Variants in PUS10 observed in about 807,000 individuals in gnomAD.
The protein encoded by PUS10 is tRNA pseudouridine synthase Pus10.
Under a neutral mutation model 75.0 loss-of-function variants are expected in PUS10, and 59 were observed. That is an observed-to-expected ratio of 0.79 (90% CI 0.64 to 0.98). The LOEUF is 0.98. PUS10 is among the 50% of genes least tolerant of loss of function. The pLI, the probability that PUS10 is intolerant of heterozygous loss-of-function variation, is 0.00. For synonymous variants in PUS10, 219 were observed against 211.6 expected (o/e 1.03, Z -0.30); for missense variants, 650 against 614.4 (o/e 1.06, Z -0.61).
At chr2:60,995,149 T>C (rs1202372666) in intron 4 of PUS10, among the ~76,000 whole-genome samples, 2 of 152,198 alleles carry the variant, frequency 1.3e-5, no homozygotes, top group Non-Finnish European at 2.9e-5. Context: ...AGCTCTGCTA[T>C]TTATCAGCAA....
chr2:61,001,487 G>A (rs2104647984), intron 4 of PUS10, among the ~76,000 whole-genome samples: 1 of 152,238 alleles, frequency 6.6e-6, no homozygotes, highest in South Asian at 2.1e-4. Flanking sequence ...ATGTTGGCTA[G>A]GCTGGTCTCG....
rs765039044 is a variant in PUS10, at chr2:61,010,853, AG to A, written c.126+911del. On this transcript the variant is annotated intron_variant, in intron 2 of 17. Transcript: ENST00000316752. ...ACTTAATAGCTGTGTAACTTTGGGC[AG>A]GTTGCTTAACCTCTCTGTATCTCAG... 1,017 of 1,550,326 alleles carry A rather than the reference AG, an allele frequency of 6.6e-4. 2 individuals carry two copies. Among genetic ancestry groups the A allele is most frequent in the Non-Finnish European group, 8.0e-4 (919 of 1,146,998 alleles).
chr2:60,994,006 G>A (rs1558962785), intron 4 of PUS10, among the ~76,000 whole-genome samples: 1 of 152,024 alleles, frequency 6.6e-6, no homozygotes, highest in East Asian at 1.9e-4. Flanking sequence ...AGCCAGGATG[G>A]TCTCGATCTC....
At chr2:60,956,941 C>T (rs1675700753) in intron 11 of PUS10, among the ~76,000 whole-genome samples, 2 of 133,550 alleles carry the variant, frequency 1.5e-5, no homozygotes, top group African/African-American at 3.0e-5. Flanking sequence ...CACCACTGCA[C>T]TCCAGCCCGG....
intron 4 of PUS10, among the ~76,000 whole-genome samples, chr2:60,997,844 C>T (rs1678582086): frequency 6.6e-6 from 1 of 152,134 alleles, no homozygotes; most frequent in Non-Finnish European, 1.5e-5. Context: ...CTGAAAACTC[C>T]TTAGTAAGCT....
intron 4 of PUS10, among the ~76,000 whole-genome samples, chr2:60,972,241 A>G (rs1160933550): frequency 6.8e-6 from 1 of 146,406 alleles, no homozygotes; most frequent in Non-Finnish European, 1.5e-5. Flanking sequence ...AGGTGGGCGG[A>G]TCACGACGTC....
intron 4 of PUS10, 124 bp from the exon 5 acceptor site, chr2:60,971,681 G>A (rs755286380): frequency 3.2e-5 from 27 of 844,814 alleles, no homozygotes; most frequent in Admixed American, 2.6e-4. Flanking sequence ...TTTAGGTGAC[G>A]AGTTAGTATT....
rs747539853 is a variant in PUS10 at position 60,945,069 on chromosome 2, G to T, written c.1491C>A (p.Thr497=). The part of the protein sequence containing the change: ...KEFVHGDFGR[T]KPNIGSLMNV... ...TCATCAGGGACCCAATGTTTGGCTT[G>T]GTTCTCCCGAAGTCTCCATGTACAA... Residue 497 remains threonine, a synonymous_variant, in exon 17 of 18, where the codon ACC becomes ACA. Coordinates refer to ENST00000316752, the MANE Select transcript of PUS10 (RefSeq NM_144709.4). 1 of 1,614,016 alleles carries T rather than the reference G, an allele frequency of 6.2e-7. No homozygotes were observed. The highest frequency in any genetic ancestry group is 8.5e-7 in the Non-Finnish European group (1 of 1,179,884).
chr2:61,000,382 T>C (rs945593401), intron 4 of PUS10, among the ~76,000 whole-genome samples: 6 of 152,210 alleles, frequency 3.9e-5, no homozygotes, highest in African/African-American at 1.4e-4. Flanking sequence ...TCATTTTCTA[T>C]TGCTTCTATA....
At chr2:61,008,737 T>G in intron 3 of PUS10, 24 bp downstream of exon 3, 1 of 1,506,472 alleles carries the variant, frequency 6.6e-7, no homozygotes, top group Non-Finnish European at 9.0e-7. Context: ...TAATTGCACC[T>G]ATAATGAAAA....
chr2:60,954,944 T>C, intron 12 of PUS10, 74 bp downstream of exon 12: 1 of 1,010,288 alleles, frequency 9.9e-7, no homozygotes, highest in East Asian at 2.6e-5. Context: ...TGAGTGACTA[T>C]GCTAAGCCTG....
intron 17 of PUS10, among the ~76,000 whole-genome samples, chr2:60,943,107 C>T (rs976244917): frequency 6.6e-6 from 1 of 151,676 alleles, no homozygotes; most frequent in Non-Finnish European, 1.5e-5. Flanking sequence ...CCAATTTTCC[C>T]TCAGAAGTCT....
chr2:60,996,721 T>C (rs1260978201), intron 4 of PUS10, among the ~76,000 whole-genome samples: 1 of 152,188 alleles, frequency 6.6e-6, no homozygotes, highest in Non-Finnish European at 1.5e-5. Context: ...TTTTCTCCTC[T>C]TTAAGTGAGC....
chr2:60,960,922 A>C (rs1573409699), intron 10 of PUS10, among the ~76,000 whole-genome samples: 1 of 151,554 alleles, frequency 6.6e-6, no homozygotes, highest in East Asian at 1.9e-4. Context: ...GGTAGCTTTC[A>C]TTGCCCTAGG....
chr2:60,978,741 A>G (rs1677197542), intron 4 of PUS10, among the ~76,000 whole-genome samples: 1 of 152,196 alleles, frequency 6.6e-6, no homozygotes, highest in Non-Finnish European at 1.5e-5. Context: ...TTGCATTGTG[A>G]ATTAGAAGAA....
intron 4 of PUS10, among the ~76,000 whole-genome samples, chr2:60,977,058 G>A (rs1374449989): frequency 6.6e-6 from 1 of 152,128 alleles, no homozygotes; most frequent in Admixed American, 6.5e-5. Flanking sequence ...GTCCTAAATG[G>A]GGCAGTTGAA....
intron 1 of PUS10, among the ~76,000 whole-genome samples, chr2:61,014,871 AG>A (rs1679866778): frequency 1.3e-5 from 2 of 152,196 alleles, no homozygotes; most frequent in African/African-American, 4.8e-5. Context: ...CTTACTTGCA[AG>A]TTGCTAAATG....
intron 15 of PUS10, among the ~76,000 whole-genome samples, chr2:60,950,584 A>G (rs1558868702): frequency 6.6e-6 from 1 of 151,966 alleles, no homozygotes; most frequent in African/African-American, 2.4e-5. Context: ...CACCTGGCTA[A>G]TTTTTTGTAT....
chr2:60,974,846 T>C (rs1209300799), intron 4 of PUS10, among the ~76,000 whole-genome samples: 1 of 152,210 alleles, frequency 6.6e-6, no homozygotes, highest in African/African-American at 2.4e-5. Context: ...TGGCTTGCCC[T>C]TGGCAGGCAT....
Sources: gnomAD v4.1 joint callset for allele counts (sites outside exome capture counted in the v4.1 genomes callset) on GRCh38, gnomAD v4.1.1 for gene constraint, MANE v1.5 for transcripts, NCBI Gene and HGNC (gene_info 2026-07-23, HGNC 2026-07-21) for gene names.